Variants in DDX10 observed in about 807,000 individuals in gnomAD.
The protein encoded by DDX10 is probable ATP-dependent RNA helicase DDX10.
DDX10 carries 74 observed loss-of-function variants against 104.3 expected under a neutral mutation model. The ratio of observed to expected loss-of-function variants is 0.71; its 90% CI spans 0.59 to 0.86. DDX10 has a LOEUF of 0.86. Among genes scored for constraint, DDX10 ranks in the 40% least tolerant of loss-of-function variants. DDX10 has a pLI of 0.00. For missense variants in DDX10, 952 were observed against 1,040.0 expected, an observed-to-expected ratio of 0.92 and a Z score of 1.16; for synonymous variants, 351 against 353.4, an observed-to-expected ratio of 0.99 and a Z score of 0.08.
intron 13 of DDX10, among the ~76,000 whole-genome samples, chr11:108,794,818 TTCTC>T (rs985048838): frequency 5.3e-5 from 8 of 151,948 alleles, no homozygotes; most frequent in Admixed American, 3.9e-4. Flanking sequence ...CTATAGTTTT[TTCTC>T]TCTCTCTCTC....
At chr11:108,821,610 G>A (rs898729855) in intron 13 of DDX10, among the ~76,000 whole-genome samples, 1 of 152,146 alleles carries the variant, frequency 6.6e-6, no homozygotes, top group Non-Finnish European at 1.5e-5. Context: ...AAGCAGTGCA[G>A]AGCATTGAGG....
chr11:108,810,322 T>A (rs1330572161), intron 13 of DDX10, among the ~76,000 whole-genome samples: 1 of 152,202 alleles, frequency 6.6e-6, no homozygotes, highest in Non-Finnish European at 1.5e-5. Context: ...ATGATTAGTT[T>A]TTACAGTATT....
chr11:108,671,225 T>G (rs180821395), intron 1 of DDX10, among the ~76,000 whole-genome samples: 2 of 152,292 alleles, frequency 1.3e-5, no homozygotes, highest in Non-Finnish European at 2.9e-5. Flanking sequence ...GTGCAGTGGC[T>G]CTATCTCTGC....
intron 1 of DDX10, among the ~76,000 whole-genome samples, chr11:108,670,036 AC>A (rs1039921415): frequency 6.6e-6 from 1 of 152,244 alleles, no homozygotes; most frequent in African/African-American, 2.4e-5. Context: ...GGTTTAAGCC[AC>A]TATTTGTGGT....
intron 16 of DDX10, among the ~76,000 whole-genome samples, chr11:108,863,295 T>C (rs1160459519): frequency 6.6e-6 from 1 of 152,164 alleles, no homozygotes; most frequent in African/African-American, 2.4e-5. Flanking sequence ...CCAGATAAAA[T>C]GTTAAACTTG....
intron 13 of DDX10, among the ~76,000 whole-genome samples, chr11:108,824,806 A>G (rs1862374065): frequency 1.3e-5 from 2 of 152,212 alleles, no homozygotes; most frequent in Non-Finnish European, 1.5e-5. Flanking sequence ...TTCGAGGGTC[A>G]TGGTGTAGAG....
At chr11:108,804,498 C>A (rs200836718) in intron 13 of DDX10, among the ~76,000 whole-genome samples, 1,316 of 93,070 alleles carry the variant, frequency 0.014, no homozygotes, top group Middle Eastern at 0.033. Flanking sequence ...GACCCTGTCT[C>A]AAAAAAAAAA....
At chr11:108,920,441 A>C (rs1388929081) in intron 17 of DDX10, 1 of 152,144 alleles carries the variant, frequency 6.6e-6, no homozygotes, top group Non-Finnish European at 1.5e-5. Flanking sequence ...ATCACTGATG[A>C]GGGATTTTAT....
intron 13 of DDX10, among the ~76,000 whole-genome samples, chr11:108,812,598 C>T (rs1862198424): frequency 6.6e-6 from 1 of 151,982 alleles, no homozygotes; most frequent in South Asian, 2.1e-4. Flanking sequence ...TATGCATGTT[C>T]TTCTGTAACT....
intron 16 of DDX10, among the ~76,000 whole-genome samples, chr11:108,899,137 A>C (rs181222746): frequency 6.6e-6 from 1 of 151,862 alleles, no homozygotes; most frequent in Non-Finnish European, 1.5e-5. Context: ...TCACTTTTCA[A>C]CTGCCTGTAG....
At chr11:108,752,802 C>T (rs1016533921) in intron 13 of DDX10, among the ~76,000 whole-genome samples, 1 of 152,012 alleles carries the variant, frequency 6.6e-6, no homozygotes. Flanking sequence ...TTGTGAACAC[C>T]TTAGATTTTA....
intron 13 of DDX10, among the ~76,000 whole-genome samples, chr11:108,775,688 T>C (rs1666740429): frequency 6.6e-6 from 1 of 152,254 alleles, no homozygotes; most frequent in South Asian, 2.1e-4. Flanking sequence ...TTTTTGTTTT[T>C]GTTACTTTCT....
chr11:108,703,225 A>G (rs1368061606), intron 9 of DDX10, among the ~76,000 whole-genome samples: 1 of 152,236 alleles, frequency 6.6e-6, no homozygotes, highest in Non-Finnish European at 1.5e-5. Context: ...ATACTAAGAC[A>G]CAATGTGTAT....
At chr11:108,748,190 C>T (rs1358932702) in intron 13 of DDX10, among the ~76,000 whole-genome samples, 1 of 152,142 alleles carries the variant, frequency 6.6e-6, no homozygotes, top group African/African-American at 2.4e-5. Context: ...GGGTGGAAGG[C>T]TCCTACAGAA....
chr11:108,792,532 A>G (rs1370965726), intron 13 of DDX10, among the ~76,000 whole-genome samples: 2 of 152,122 alleles, frequency 1.3e-5, no homozygotes, highest in African/African-American at 2.4e-5. Flanking sequence ...TCCTCATTCA[A>G]TTATCTTGGT....
At chr11:108,913,983 T>C (rs774951729) in intron 16 of DDX10, among the ~76,000 whole-genome samples, 1 of 152,206 alleles carries the variant, frequency 6.6e-6, no homozygotes, top group East Asian at 1.9e-4. Context: ...ACAGACAATA[T>C]GGTATAGCAC....
At chr11:108,816,662 C>T (rs1310685223) in intron 13 of DDX10, among the ~76,000 whole-genome samples, 2 of 150,854 alleles carry the variant, frequency 1.3e-5, no homozygotes, top group Non-Finnish European at 2.9e-5. Context: ...AAGTGATTTT[C>T]CTGCCTCAGC....
At chr11:108,783,490 A>G (rs1861741525) in intron 13 of DDX10, among the ~76,000 whole-genome samples, 1 of 152,130 alleles carries the variant, frequency 6.6e-6, no homozygotes, top group South Asian at 2.1e-4. Context: ...CTGGCAGGAC[A>G]GGAATATGTA....
chr11:108,726,686 T>G (rs77661220), intron 13 of DDX10, among the ~76,000 whole-genome samples: 5,003 of 152,154 alleles, frequency 0.033, 277 homozygotes, highest in African/African-American at 0.11. Context: ...TTTTTCTTTC[T>G]TTTTCTTTTG....
Sources: gnomAD v4.1 joint callset for allele counts (sites outside exome capture counted in the v4.1 genomes callset) on GRCh38, gnomAD v4.1.1 for gene constraint, MANE v1.5 for transcripts, NCBI Gene and HGNC (gene_info 2026-07-23, HGNC 2026-07-21) for gene names.